EDEM3: variants seen among roughly 807,000 people sequenced by gnomAD.
EDEM3 encodes ER degradation enhancing alpha-mannosidase like protein 3.
Under a neutral mutation model 110.2 loss-of-function variants are expected in EDEM3, and 60 were observed. That is an observed-to-expected ratio of 0.54 (90% confidence interval 0.44 to 0.67). EDEM3 has a LOEUF of 0.67. Among genes scored for constraint, EDEM3 ranks in the 30% least tolerant of loss-of-function variants. The pLI, the probability that EDEM3 is intolerant of heterozygous loss-of-function variation, is 0.00. For missense variants in EDEM3, 996 were observed against 1,121.0 expected (o/e 0.89, Z 1.59); for synonymous variants, 352 against 382.9 (o/e 0.92, Z 0.94).
chr1:184,734,663 A>C lies in EDEM3; in HGVS notation c.346-20T>G. 1 of 1,040,352 alleles carries C rather than the reference A, an allele frequency of 9.6e-7. No individual in the cohort carries two copies. The highest frequency in any genetic ancestry group is 1.7e-5 in the South Asian group (1 of 57,496). 64.4% of individuals were successfully genotyped at this position (1,040,352 alleles called of 1,614,324 possible). ...TAAAACCTGGGAGAAGAAAATTATG[A>C]AATAAAGTTCTTTTCTACCAAGACA... On this transcript the variant is annotated intron_variant, in intron 4 of 19. Coordinates refer to ENST00000318130, the MANE Select transcript of EDEM3 (RefSeq NM_025191.4).
In EDEM3 at chr1:184,692,985, C is replaced by G. The variant is rs376498422; in HGVS notation, c.*1078G>C. 20 of 154,680 alleles carry G rather than the reference C, an allele frequency of 1.3e-4. No individual in the cohort carries two copies. The East Asian group carries it at 3.5e-3, about 27-fold the overall frequency. 9.6% of individuals were successfully genotyped at this position (154,680 alleles called of 1,614,324 possible). On this transcript the variant is annotated 3_prime_UTR_variant, in exon 20 of 20. Transcript: ENST00000318130. ...GATTCCTTAGGTGCAACTTTAGAAA[C>G]CTAAGTTTCAAAGGAGAAAAACAGT... is the stretch of plus-strand genomic sequence containing the variant.
At position 184,711,821 on chromosome 1, in the gene EDEM3, A is replaced by G; in HGVS notation, c.1593T>C (p.Thr531=). 6.2e-7 allele frequency: 1 copy of G among 1,613,580 alleles called. No homozygotes were observed. Among genetic ancestry groups the G allele is most frequent in the Non-Finnish European group, 8.5e-7 (1 of 1,179,662 alleles). The change falls in exon 15 of 20, where the codon ACT becomes ACC. Residue 531 remains threonine (T), a synonymous_variant. Transcript: ENST00000318130. The part of the protein sequence containing the change: ...DSNFDWTCPN[T]QILFPNDPLY... ...ATGGGTCATTAGGAAAGAGGATCTG[A>G]GTATTTGGACAAGTCCAATCGAAGT... is the stretch of plus-strand genomic sequence containing the variant.
rs886338778 is a variant in EDEM3, at chr1:184,753,632, C to T, written c.158+857G>A. ...TTCCTTAACTAACCAGAACCGTATC[C>T]TTGTGTTTTGTATTATATTTACTAA... On this transcript the variant is annotated intron_variant, in intron 1 of 19. Transcript: ENST00000318130. Among the ~76,000 whole-genome samples the T allele has an allele frequency of 5.9e-5, 9 of 152,016 alleles. No individual in the cohort carries two copies. The East Asian group carries it at 1.7e-3, about 29-fold the overall frequency.
chr1:184,744,405 G>A (rs1652315194), intron 2 of EDEM3, among the ~76,000 whole-genome samples: 1 of 151,076 alleles, frequency 6.6e-6, no homozygotes, highest in Non-Finnish European at 1.5e-5. Context: ...GCTGAAATTA[G>A]TAAGACTGGA....
intron 7 of EDEM3, among the ~76,000 whole-genome samples, chr1:184,725,142 C>T (rs749222096): frequency 4.6e-5 from 7 of 152,160 alleles, no homozygotes; most frequent in Non-Finnish European, 8.8e-5. Flanking sequence ...TCAACTGCAT[C>T]TTCTCTGACA....
At chr1:184,701,468 T>C (rs1172873485) in intron 19 of EDEM3, 1 of 1,244,236 alleles carries the variant, frequency 8.0e-7, no homozygotes, top group Admixed American at 2.7e-5. Flanking sequence ...ACGTATATAA[T>C]TTAAGGCTTG....
At chr1:184,749,797 GC>G (rs1388916377) in intron 1 of EDEM3, among the ~76,000 whole-genome samples, 1 of 152,072 alleles carries the variant, frequency 6.6e-6, no homozygotes, top group Non-Finnish European at 1.5e-5. Context: ...ACAGAGCTGA[GC>G]CAAACTTTAA....
intron 19 of EDEM3, among the ~76,000 whole-genome samples, chr1:184,699,682 A>G (rs1364829247): frequency 1.3e-5 from 2 of 151,862 alleles, no homozygotes; most frequent in Non-Finnish European, 2.9e-5. Flanking sequence ...GACTTAAATC[A>G]GAGCATTGCA....
chr1:184,721,691 C>T lies in EDEM3; in HGVS notation c.854-305G>A, dbSNP rs544593322. On this transcript the variant is annotated intron_variant, in intron 8 of 19. Coordinates refer to ENST00000318130, the MANE Select transcript of EDEM3 (RefSeq NM_025191.4). ...TTGAGGAAATCTAAAGATGAAGTCT[C>T]TTGTTTTGCTTTTTCCTAAAAAGGA... is the stretch of plus-strand genomic sequence containing the variant. Among the ~76,000 whole-genome samples, 5 of 151,898 alleles carry T rather than the reference C, an allele frequency of 3.3e-5. No homozygotes were observed. In the South Asian group the frequency reaches 1.0e-3, roughly 32 times the overall value.
intron 2 of EDEM3, among the ~76,000 whole-genome samples, chr1:184,742,945 T>C (rs781662903): frequency 2.6e-5 from 4 of 152,206 alleles, no homozygotes; most frequent in East Asian, 1.9e-4. Flanking sequence ...AAACACTGCA[T>C]AGAAAACTTC....
intron 2 of EDEM3, 126 bp from the exon 3 acceptor site, chr1:184,737,837 G>C: frequency 2.6e-6 from 2 of 773,492 alleles, no homozygotes; most frequent in Non-Finnish European, 3.9e-6. Flanking sequence ...TTTACACCCT[G>C]TGGAATCTTT....
rs535220870 is a variant in EDEM3, at chr1:184,712,610, A to T, written c.1371-12T>A. ...AGAAAGAATCCATTCTAAAATAAAAAGTCACAAATAAATATAAGTAGATAA... is the reference window on the plus strand; with the variant it reads ...AGAAAGAATCCATTCTAAAATAAAATGTCACAAATAAATATAAGTAGATAA... On this transcript the variant is annotated splice_polypyrimidine_tract_variant and intron_variant, in intron 13 of 19. Transcript: ENST00000318130. The T allele has an allele frequency of 2.7e-6, 4 of 1,491,302 alleles. No homozygotes were observed. In the African/African-American group the frequency reaches 5.7e-5, roughly 21 times the overall value. The allele number at this position is 1,491,302 out of a possible 1,614,324, so 92.4% of individuals were successfully genotyped here.
At position 184,719,523 on chromosome 1, in the gene EDEM3, G is replaced by A; in HGVS notation, c.997C>T (p.Leu333Phe). ...ATTGGTTTGTGGATATGCACATCAA[G>A]TAGAAGAGGTGGCTGGCTAATATAC... ...MRYISQPPLLLDVHIHKPMLN... is the reference protein window; with the variant it reads ...MRYISQPPLLFDVHIHKPMLN... The change falls in exon 10 of 20, where the codon CTT becomes TTT. Residue 333 changes from leucine to phenylalanine, a missense_variant. Leu to Phe is a conservative substitution (Grantham distance 22). Coordinates refer to ENST00000318130, the MANE Select transcript of EDEM3 (RefSeq NM_025191.4). 1.2e-6 allele frequency: 2 copies of A among 1,613,984 alleles called. No individual in the cohort carries two copies. Among genetic ancestry groups the A allele is most frequent in the Non-Finnish European group, 1.7e-6 (2 of 1,179,970 alleles).
rs140041980 is a variant in EDEM3 at position 184,693,300 on chromosome 1, C to T, written c.*763G>A. On this transcript the variant is annotated 3_prime_UTR_variant, in exon 20 of 20. Coordinates refer to ENST00000318130, the MANE Select transcript of EDEM3 (RefSeq NM_025191.4). Reference sequence around the variant, plus strand: ...ATGGGAGGTTCATATTGCAACATTACAGTTTCTCCCTTACTCCATTTTTCA... The same window carrying T: ...ATGGGAGGTTCATATTGCAACATTATAGTTTCTCCCTTACTCCATTTTTCA... The T allele has an allele frequency of 2.9e-3, 449 of 154,612 alleles. 5 individuals are homozygous for T. The East Asian group carries it at 0.035, about 12-fold the overall frequency. The allele number at this position is 154,612 out of a possible 1,614,324, so 9.6% of individuals were successfully genotyped here. A position where few individuals can be genotyped will look rare whatever the true frequency, so the allele number is the denominator to read the frequency against.
chr1:184,698,317 G>A (rs939843439), intron 19 of EDEM3, among the ~76,000 whole-genome samples: 3 of 151,884 alleles, frequency 2.0e-5, no homozygotes, highest in African/African-American at 7.2e-5. Flanking sequence ...AAGAAGATAT[G>A]TACGAGAATG....
In EDEM3 at chr1:184,737,751, C is replaced by A. The variant is rs12084988; in HGVS notation, c.205-40G>T. On this transcript the variant is annotated intron_variant, in intron 2 of 19. Transcript: ENST00000318130. ...TTAGTAAGTTACTAAGGAAAATAAG[C>A]GAAAGCACACATCATTTTGAGAACA... 3.3e-3 allele frequency: 4,944 copies of A among 1,518,934 alleles called. 42 individuals are homozygous for A. The highest frequency in any genetic ancestry group is 0.026 in the East Asian group (1,162 of 44,148). The allele number at this position is 1,518,934 out of a possible 1,614,324, so 94.1% of individuals were successfully genotyped here.
intron 6 of EDEM3, among the ~76,000 whole-genome samples, chr1:184,731,907 T>C (rs1421834519): frequency 6.6e-6 from 1 of 152,106 alleles, no homozygotes; most frequent in Non-Finnish European, 1.5e-5. Context: ...CTGGGTGTGG[T>C]GGCTCATGCC....
At chr1:184,728,350 AT>A (rs1651304959) in intron 6 of EDEM3, among the ~76,000 whole-genome samples, 1 of 152,254 alleles carries the variant, frequency 6.6e-6, no homozygotes, top group Non-Finnish European at 1.5e-5. Flanking sequence ...AAGAGTAGTC[AT>A]AAGAAAGCAA....
At position 184,726,297 on chromosome 1, in the gene EDEM3, T is replaced by C; in HGVS notation, c.705A>G (p.Glu235=). The C allele has an allele frequency of 6.2e-7, 1 of 1,613,820 alleles. No individual in the cohort carries two copies. The highest frequency in any genetic ancestry group is 1.1e-5 in the South Asian group (1 of 91,076). The change falls in exon 7 of 20, where the codon GAA becomes GAG. Residue 235 remains glutamate (E), a synonymous_variant. Transcript: ENST00000318130. The part of the protein sequence containing the change: ...CTACAGTLIL[E]FAALSRFTGA... ...CTGTGAATCGACTTAAAGCAGCAAATTCAAGGATCAAGGTACCTGCACAAG... is the reference window on the plus strand; with the variant it reads ...CTGTGAATCGACTTAAAGCAGCAAACTCAAGGATCAAGGTACCTGCACAAG...
Sources: allele counts gnomAD v4.1 joint callset (sites outside exome capture counted in the v4.1 genomes callset), GRCh38; gene constraint gnomAD v4.1.1; transcripts MANE v1.5; gene names NCBI Gene and HGNC (gene_info 2026-07-23, HGNC 2026-07-21).